Variants in SLC8A1 observed in about 807,000 individuals in gnomAD.
The protein encoded by SLC8A1 is solute carrier family 8 member A1.
A neutral mutation model predicts 68.3 loss-of-function variants in SLC8A1; 18 were observed. The ratio of observed to expected loss-of-function variants is 0.26; its 90% CI spans 0.18 to 0.39. The LOEUF (loss-of-function observed/expected upper bound fraction) is 0.39. SLC8A1 is among the 10% of genes least tolerant of loss of function. The probability of loss-of-function intolerance (pLI) is 1.00; values close to 1 mark genes in which losing one functional copy is unlikely to be tolerated. For synonymous variants in SLC8A1, 475 were observed against 415.5 expected (o/e 1.14, Z -1.74); for missense variants, 985 against 1,156.7 (o/e 0.85, Z 2.15).
exon 8 of SLC8A1, chr2:40,105,290 T>C (rs2125037360): frequency 6.6e-6 from 1 of 152,292 alleles, no homozygotes; most frequent in East Asian, 1.9e-4. Context: ...AGAATCATCC[T>C]TTCTTCATTG....
intron 2 of SLC8A1, among the ~76,000 whole-genome samples, chr2:40,391,911 T>G (rs1202131279): frequency 1.3e-5 from 2 of 152,114 alleles, no homozygotes; most frequent in East Asian, 3.9e-4. Flanking sequence ...TGACTAAATG[T>G]CCTTTGTCAC....
chr2:40,133,134 G>A (rs921997856), intron 7 of SLC8A1, among the ~76,000 whole-genome samples: 1 of 152,102 alleles, frequency 6.6e-6, no homozygotes, highest in African/African-American at 2.4e-5. Flanking sequence ...CAAGAAATTG[G>A]TTAAAGCCAT....
At chr2:40,188,670 T>G (rs1573790056) in intron 2 of SLC8A1, among the ~76,000 whole-genome samples, 1 of 152,352 alleles carries the variant, frequency 6.6e-6, no homozygotes, top group South Asian at 2.1e-4. Context: ...GGACAGCAGC[T>G]AGAATATGCT....
chr2:40,328,003 G>T (rs948548825), intron 2 of SLC8A1, among the ~76,000 whole-genome samples: 1 of 151,814 alleles, frequency 6.6e-6, no homozygotes, highest in Non-Finnish European at 1.5e-5. Flanking sequence ...AATACAGTTG[G>T]GGAAATAAGA....
chr2:40,099,182 C>G (rs572867638), exon 8 of SLC8A1: 2 of 152,140 alleles, frequency 1.3e-5, no homozygotes, highest in East Asian at 1.9e-4. Context: ...CCTCTATTCC[C>G]CCACAAAATT....
At position 40,315,085 on chromosome 2, in the gene SLC8A1, A is replaced by T. The variant is rs539360226; in HGVS notation, c.1808+113388T>A. Among the ~76,000 whole-genome samples, 5 of 152,148 alleles carry T rather than the reference A, an allele frequency of 3.3e-5. No homozygotes were observed. The South Asian group carries it at 6.2e-4, about 19-fold the overall frequency. On this transcript the variant is annotated intron_variant, in intron 2 of 7. Coordinates refer to ENST00000406785, the Ensembl canonical transcript of SLC8A1. ...TTATTCCCAATATTAGGAGAGAAGC[A>T]TTCAGTCTTTCATTGTTAAGTATGA...
chr2:40,253,255 A>G (rs2063273749), intron 2 of SLC8A1, among the ~76,000 whole-genome samples: 3 of 147,702 alleles, frequency 2.0e-5, no homozygotes, highest in Admixed American at 2.0e-4. Context: ...ACACATATGT[A>G]TACATATATA....
chr2:40,138,719 T>C (rs1365698337), intron 7 of SLC8A1, among the ~76,000 whole-genome samples: 4 of 152,144 alleles, frequency 2.6e-5, no homozygotes, highest in African/African-American at 9.7e-5. Context: ...AGTTTGAAAA[T>C]TATTGCTATC....
intron 1 of SLC8A1, among the ~76,000 whole-genome samples, chr2:40,500,795 CTTTTTTTTT>C (rs1191619172): frequency 1.9e-4 from 7 of 37,230 alleles, no homozygotes; most frequent in Non-Finnish European, 3.5e-4. Flanking sequence ...TATCATCTGA[CTTTTTTTTT>C]TTTTTTTTTT....
chr2:40,319,579 T>C (rs1232940067), intron 2 of SLC8A1, among the ~76,000 whole-genome samples: 1 of 152,148 alleles, frequency 6.6e-6, no homozygotes, highest in Non-Finnish European at 1.5e-5. Flanking sequence ...AAAGAGTAGA[T>C]GCCTCACTAA....
chr2:40,329,522 TC>T (rs1431852055), intron 2 of SLC8A1, among the ~76,000 whole-genome samples: 1 of 152,208 alleles, frequency 6.6e-6, no homozygotes, highest in Non-Finnish European at 1.5e-5. Flanking sequence ...AACAGAATCC[TC>T]ATTCACAGAT....
chr2:40,327,475 A>T (rs984212426), intron 2 of SLC8A1, among the ~76,000 whole-genome samples: 13 of 152,340 alleles, frequency 8.5e-5, no homozygotes, highest in Middle Eastern at 3.4e-3. Context: ...ATAGCTTTTT[A>T]AAAAACGTTG....
At chr2:40,197,184 A>C (rs2053212594) in intron 2 of SLC8A1, among the ~76,000 whole-genome samples, 1 of 152,046 alleles carries the variant, frequency 6.6e-6, no homozygotes, top group South Asian at 2.1e-4. Context: ...TTTGGGGGCC[A>C]GATGAAATTA....
At chr2:40,107,279 C>CAAAAAAAAAAAAAAAAGAAAAAA (rs571403529) in exon 8 of SLC8A1, 3 of 64,962 alleles carry the variant, frequency 4.6e-5, no homozygotes, top group African/African-American at 6.2e-5. Context: ...GACTCCGTCT[C>CAAAAAAAAAAAAAAAAGAAAAAA]AAAAAAAAAA....
chr2:40,201,196 C>G (rs2148710622), intron 2 of SLC8A1, among the ~76,000 whole-genome samples: 1 of 151,604 alleles, frequency 6.6e-6, no homozygotes, highest in Non-Finnish European at 1.5e-5. Context: ...TAAATGCCAC[C>G]ATTTTCTCCT....
At chr2:40,234,198 C>T (rs1053435589) in intron 2 of SLC8A1, among the ~76,000 whole-genome samples, 2 of 152,038 alleles carry the variant, frequency 1.3e-5, no homozygotes, top group Non-Finnish European at 2.9e-5. Context: ...GCAGTATGGC[C>T]ATTTTCATGA....
At chr2:40,354,314 G>T (rs1231907511) in intron 2 of SLC8A1, among the ~76,000 whole-genome samples, 1 of 152,154 alleles carries the variant, frequency 6.6e-6, no homozygotes, top group African/African-American at 2.4e-5. Context: ...AGGGCCATCT[G>T]TATTCTCCCT....
intron 2 of SLC8A1, among the ~76,000 whole-genome samples, chr2:40,395,951 T>C (rs1389928758): frequency 6.6e-6 from 1 of 152,128 alleles, no homozygotes; most frequent in East Asian, 1.9e-4. Flanking sequence ...TAACTGTTCA[T>C]ACTGTTCTGT....
chr2:40,348,532 CAT>C lies in SLC8A1; in HGVS notation c.1808+79939_1808+79940del, dbSNP rs1401506612. Reference sequence around the variant, plus strand: ...GAAAAAGATAAATCTGCGCAAGAAACATATGACACAAATATAATGCATTTTAT... The same window carrying C: ...GAAAAAGATAAATCTGCGCAAGAAACATGACACAAATATAATGCATTTTAT... On this transcript the variant is annotated intron_variant, in intron 2 of 7. Transcript: ENST00000406785. Among the ~76,000 whole-genome samples, 3 of 152,278 alleles carry C rather than the reference CAT, an allele frequency of 2.0e-5. No homozygotes were observed. The East Asian group carries it at 5.8e-4, about 29-fold the overall frequency.
Sources: allele counts gnomAD v4.1 joint callset (sites outside exome capture counted in the v4.1 genomes callset), GRCh38; gene constraint gnomAD v4.1.1; transcripts MANE v1.5; gene names NCBI Gene and HGNC (gene_info 2026-07-23, HGNC 2026-07-21).